KIN: variants seen among roughly 807,000 people sequenced by gnomAD.
KIN encodes Kin17 DNA and RNA binding protein, also known as DNA/RNA-binding protein KIN17.
In KIN, 47 loss-of-function variants were observed where a neutral mutation model predicts 63.0. The observed-to-expected ratio is 0.75, with a 90% CI of 0.59 to 0.95. The LOEUF (loss-of-function observed/expected upper bound fraction) is 0.95, where lower values mean the gene tolerates loss of function less well. Among genes scored for constraint, KIN ranks in the 40% least tolerant of loss-of-function variants. The probability of loss-of-function intolerance (pLI) is 0.00; values close to 1 mark genes in which losing one functional copy is unlikely to be tolerated. For synonymous variants in KIN, 160 were observed against 157.7 expected (o/e 1.01, Z -0.11); for missense variants, 408 against 460.9 (o/e 0.89, Z 1.05).
chr10:7,765,456 C>T (rs1413044761), intron 9 of KIN, among the ~76,000 whole-genome samples: 2 of 151,956 alleles, frequency 1.3e-5, no homozygotes, highest in Non-Finnish European at 1.5e-5. Flanking sequence ...AAGAATAAGA[C>T]ACTCTGAAAG....
rs1477306250 is a variant in KIN, at chr10:7,770,059, T to C, written c.669-714A>G. ...GATTCTCGTGCCTCAGCCTCCCAAG[T>C]AGCTGGGATTACAGGCAGCCACCAC... On this transcript the variant is annotated intron_variant, in intron 7 of 12. Transcript: ENST00000379562. Among the ~76,000 whole-genome samples the C allele has an allele frequency of 2.0e-5, 3 of 152,130 alleles. No homozygotes were observed. The South Asian group carries it at 6.2e-4, about 32-fold the overall frequency.
rs1278711381 is a variant in KIN, at chr10:7,762,570, T to G, written c.919-14A>C. 6.9e-7 allele frequency: 1 copy of G among 1,458,992 alleles called. No individual in the cohort carries two copies. Among genetic ancestry groups the G allele is most frequent in the African/African-American group, 1.4e-5 (1 of 71,824 alleles). The allele number at this position is 1,458,992 out of a possible 1,614,324, so 90.4% of individuals were successfully genotyped here. A position where few individuals can be genotyped will look rare whatever the true frequency, so the allele number is the denominator to read the frequency against. On this transcript the variant is annotated splice_polypyrimidine_tract_variant and intron_variant, in intron 10 of 12. Coordinates refer to ENST00000379562, the MANE Select transcript of KIN (RefSeq NM_012311.4). ...GTCAATTACTTCCTGTCATGTAAAA[T>G]GAACACTTTTATAATAGAAGAAATA... is the stretch of plus-strand genomic sequence containing the variant.
At chr10:7,763,971 A>T (rs925986657) in intron 9 of KIN, among the ~76,000 whole-genome samples, 180 bp from the exon 10 acceptor site, 2 of 152,216 alleles carry the variant, frequency 1.3e-5, no homozygotes, top group Non-Finnish European at 1.5e-5. Context: ...GCAATCTTTT[A>T]TTCCTTCTTC....
rs397787637 is a variant in KIN at position 7,755,945 on chromosome 10, A to AAC, written c.*134_*135insGT. 1.5e-5 allele frequency: 8 copies of AAC among 543,968 alleles called. No individual in the cohort carries two copies. Among genetic ancestry groups the AAC allele is most frequent in the Non-Finnish European group, 2.3e-5 (7 of 304,880 alleles). 33.7% of individuals were successfully genotyped at this position (543,968 alleles called of 1,614,324 possible). On this transcript the variant is annotated 3_prime_UTR_variant, in exon 13 of 13. Coordinates refer to ENST00000379562, the MANE Select transcript of KIN (RefSeq NM_012311.4). ...CTTCTCAAAGTTTAGCTGAACAACT[A>AAC]TACAGTAATATTTTCAAAAACCTGT...
In KIN at chr10:7,781,645, C is replaced by G. The variant is rs560003148; in HGVS notation, c.210-1338G>C. On this transcript the variant is annotated intron_variant, in intron 2 of 12. Coordinates refer to ENST00000379562, the MANE Select transcript of KIN (RefSeq NM_012311.4). ...AAAATTAGCCAGGTGTGGTGGTGTG[C>G]ATCTATGTTCCCAGCTACATGGGAG... 1.6e-3 allele frequency among the ~76,000 whole-genome samples: 235 copies of G among 145,248 alleles called. 1 individual carries two copies. The highest frequency in any genetic ancestry group is 5.8e-3 in the African/African-American group (222 of 38,406).
intron 12 of KIN, among the ~76,000 whole-genome samples, chr10:7,759,276 G>C (rs1291001548): frequency 6.6e-6 from 1 of 152,134 alleles, no homozygotes; most frequent in African/African-American, 2.4e-5. Flanking sequence ...TCTTTCTGAA[G>C]ATATCTCAGA....
At chr10:7,781,750 CAAAAAAAAAA>C (rs34969604) in intron 2 of KIN, among the ~76,000 whole-genome samples, 3 of 67,998 alleles carry the variant, frequency 4.4e-5, no homozygotes, top group African/African-American at 1.2e-4. Flanking sequence ...AAGACCCTGT[CAAAAAAAAAA>C]AAAAAAAAAA....
At chr10:7,787,729 C>CA in intron 1 of KIN, 91 bp downstream of exon 1, 1 of 1,003,688 alleles carries the variant, frequency 1.0e-6, no homozygotes, top group Non-Finnish European at 1.6e-6. Context: ...CCGGGAGCCC[C>CA]AGCCCCGCGC....
intron 8 of KIN, among the ~76,000 whole-genome samples, chr10:7,767,865 CAAAAAA>C (rs59238687): frequency 1.4e-5 from 1 of 69,098 alleles, no homozygotes. Flanking sequence ...GACTCCGTCT[CAAAAAA>C]AAAAAAAAAA....
Position 7,780,074 on chromosome 10 carries a change from T to A in KIN, c.358A>T (p.Lys120Ter). 1 of 1,613,490 alleles carries A rather than the reference T, an allele frequency of 6.2e-7. No individual in the cohort carries two copies. Among genetic ancestry groups the A allele is most frequent in the East Asian group, 2.2e-5 (1 of 44,820 alleles). Residue 120 changes from lysine to a stop codon, truncating the protein, a stop_gained, in exon 4 of 13, where the codon AAG becomes TAG. Coordinates refer to ENST00000379562, the MANE Select transcript of KIN (RefSeq NM_012311.4). LOFTEE classifies it high-confidence loss of function. ...TTCTTACCTTCTCTGCCCAGCCACT[T>A]AGTAAAATCAGTCAGAGTTTCCCAC... The part of the protein sequence containing the change: ...TQWETLTDFT[K>*]WLGREGLCKV...
intron 1 of KIN, among the ~76,000 whole-genome samples, chr10:7,786,026 G>A (rs964053591): frequency 2.0e-5 from 3 of 152,158 alleles, no homozygotes; most frequent in African/African-American, 7.2e-5. Flanking sequence ...AACACCAAGA[G>A]TGAACCCTAA....
chr10:7,779,510 T>C lies in KIN; in HGVS notation c.377-491A>G, dbSNP rs908916450. Among the ~76,000 whole-genome samples the C allele has an allele frequency of 1.8e-4, 27 of 152,196 alleles. 1 individual carries two copies. The highest frequency in any genetic ancestry group is 5.8e-4 in the African/African-American group (24 of 41,432). ...ATATTTATATTTAATGAAATTTAGA[T>C]ACTGTATGTGAATTCAACCAACCGT... is the stretch of plus-strand genomic sequence containing the variant. On this transcript the variant is annotated intron_variant, in intron 4 of 12. Coordinates refer to ENST00000379562, the MANE Select transcript of KIN (RefSeq NM_012311.4).
At chr10:7,773,961 C>T (rs1402465267) in intron 7 of KIN, among the ~76,000 whole-genome samples, 1 of 152,196 alleles carries the variant, frequency 6.6e-6, no homozygotes, top group Non-Finnish European at 1.5e-5. Context: ...AACTACCTGA[C>T]CACATGCTAT....
chr10:7,776,086 C>T (rs542492607), intron 5 of KIN, among the ~76,000 whole-genome samples: 109 of 151,690 alleles, frequency 7.2e-4, no homozygotes, highest in African/African-American at 2.5e-3. Context: ...AAAAATTAGC[C>T]GAGCATGGTG....
In KIN at chr10:7,787,973, C is replaced by T. The variant is rs776503902; in HGVS notation, c.-40G>A. 101 of 1,508,850 alleles carry T rather than the reference C, an allele frequency of 6.7e-5. No homozygotes were observed. The highest frequency in any genetic ancestry group is 8.8e-5 in the Non-Finnish European group (95 of 1,084,366). 93.5% of individuals were successfully genotyped at this position (1,508,850 alleles called of 1,614,324 possible). ...CGATCACTTTCTGGACCCCAGTACT[C>T]AGCCAGCCGGAAACGGAACCGGGCT... On this transcript the variant is annotated 5_prime_UTR_variant, in exon 1 of 13. Transcript: ENST00000379562.
chr10:7,780,412 G>T, intron 2 of KIN, 105 bp from the exon 3 acceptor site: 1 of 935,662 alleles, frequency 1.1e-6, no homozygotes, highest in Non-Finnish European at 1.6e-6. Flanking sequence ...TGTTTTTTTT[G>T]AGACAGAGTC....
chr10:7,772,931 AG>A (rs1835696158), intron 7 of KIN, among the ~76,000 whole-genome samples: 1 of 152,230 alleles, frequency 6.6e-6, no homozygotes, highest in Non-Finnish European at 1.5e-5. Flanking sequence ...AGTAAGTTAA[AG>A]ATCTTGAGAT....
intron 2 of KIN, among the ~76,000 whole-genome samples, chr10:7,781,243 G>C: frequency 6.6e-6 from 1 of 152,106 alleles, no homozygotes; most frequent in Non-Finnish European, 1.5e-5. Context: ...GCTATTTCCA[G>C]CTGGCACAGA....
chr10:7,781,416 C>T (rs145128896), intron 2 of KIN, among the ~76,000 whole-genome samples: 149 of 152,160 alleles, frequency 9.8e-4, no homozygotes, highest in Middle Eastern at 6.8e-3. Flanking sequence ...GAATGTCATG[C>T]GAAAGAGGCT....
Sources: allele counts gnomAD v4.1 joint callset (sites outside exome capture counted in the v4.1 genomes callset), GRCh38; gene constraint gnomAD v4.1.1; transcripts MANE v1.5; gene names NCBI Gene and HGNC (gene_info 2026-07-23, HGNC 2026-07-21).